Variants in ROBO2 observed in about 807,000 individuals in gnomAD.
ROBO2 encodes roundabout guidance receptor 2.
In ROBO2, 53 loss-of-function variants were observed where a neutral mutation model predicts 160.8. The observed-to-expected ratio is 0.33, with a 90% CI of 0.26 to 0.41. The LOEUF is 0.41. Among genes scored for constraint, ROBO2 ranks in the 10% least tolerant of loss-of-function variants. The probability of loss-of-function intolerance (pLI) is 1.00; values close to 1 mark genes in which losing one functional copy is unlikely to be tolerated. For synonymous variants in ROBO2, 664 were observed against 611.7 expected, an observed-to-expected ratio of 1.09 and a Z score of -1.26; for missense variants, 1,577 against 1,722.4, an observed-to-expected ratio of 0.92 and a Z score of 1.49.
chr3:77,366,766 A>T (rs1182498954), intron 2 of ROBO2, among the ~76,000 whole-genome samples: 2 of 152,036 alleles, frequency 1.3e-5, no homozygotes, highest in African/African-American at 4.8e-5. Flanking sequence ...AGGAAGTGAG[A>T]GTGAGAGAGA....
At chr3:77,360,759 A>G (rs2069850242) in intron 2 of ROBO2, among the ~76,000 whole-genome samples, 1 of 152,116 alleles carries the variant, frequency 6.6e-6, no homozygotes, top group African/African-American at 2.4e-5. Context: ...TTTTTAAGCA[A>G]ATTGCTGTGT....
At chr3:77,244,422 G>A (rs567019482) in intron 2 of ROBO2, among the ~76,000 whole-genome samples, 51 of 152,270 alleles carry the variant, frequency 3.3e-4, no homozygotes, top group African/African-American at 8.7e-4. Flanking sequence ...ATAGGAAAAC[G>A]TTTAGCATGC....
chr3:76,847,654 G>T (rs2068898742), intron 2 of ROBO2, among the ~76,000 whole-genome samples: 1 of 152,012 alleles, frequency 6.6e-6, no homozygotes, highest in Non-Finnish European at 1.5e-5. Context: ...ACTGCACCTG[G>T]ATAATCTCAA....
At chr3:76,776,923 G>A (rs1434816310) in intron 2 of ROBO2, among the ~76,000 whole-genome samples, 1 of 150,874 alleles carries the variant, frequency 6.6e-6, no homozygotes, top group Non-Finnish European at 1.5e-5. Context: ...TAAATATCTT[G>A]TTGATATATT....
intron 2 of ROBO2, among the ~76,000 whole-genome samples, chr3:76,379,638 C>G (rs1302383905): frequency 6.6e-6 from 1 of 152,086 alleles, no homozygotes; most frequent in African/African-American, 2.4e-5. Flanking sequence ...ATTCTGTACT[C>G]TTATTTCAAG....
rs149631720 is a variant in ROBO2, at chr3:76,244,679, G to A, written c.109+307077G>A. ...CATTAGAAGAAGTATTGGACTGGAC[G>A]TCAGGAGCCTGGAAATCTAGACCTC... On this transcript the variant is annotated intron_variant, in intron 2 of 26. Transcript: ENST00000487694. Among the ~76,000 whole-genome samples, 858 of 152,226 alleles carry A rather than the reference G, an allele frequency of 5.6e-3. 6 individuals carry two copies. Among genetic ancestry groups the A allele is most frequent in the African/African-American group, 0.019 (807 of 41,544 alleles).
At chr3:76,133,403 A>C (rs1442364932) in intron 2 of ROBO2, among the ~76,000 whole-genome samples, 1 of 152,028 alleles carries the variant, frequency 6.6e-6, no homozygotes. Context: ...TAGTCTCTAG[A>C]GACTAATACA....
At chr3:77,129,112 C>CT (rs895504715) in intron 2 of ROBO2, among the ~76,000 whole-genome samples, 1 of 151,680 alleles carries the variant, frequency 6.6e-6, no homozygotes, top group Non-Finnish European at 1.5e-5. Flanking sequence ...TTACAACTGT[C>CT]TTTTTTTCTA....
chr3:77,579,443 G>A (rs2093855729), intron 15 of ROBO2, among the ~76,000 whole-genome samples: 1 of 152,078 alleles, frequency 6.6e-6, no homozygotes, highest in African/African-American at 2.4e-5. Context: ...TTCTGTGTAA[G>A]TTAATATTTT....
chr3:77,180,416 C>CTCTCTCTCTCTCTCTCTCTCTATATA (rs1433740534), intron 2 of ROBO2, among the ~76,000 whole-genome samples: 8 of 90,704 alleles, frequency 8.8e-5, no homozygotes, highest in Non-Finnish European at 1.4e-4. Context: ...CTCTCTCTCT[C>CTCTCTCTCTCTCTCTCTCTCTATATA]TATATATATA....
At chr3:76,771,556 AAAG>A (rs2061907701) in intron 2 of ROBO2, among the ~76,000 whole-genome samples, 1 of 151,204 alleles carries the variant, frequency 6.6e-6, no homozygotes, top group South Asian at 2.1e-4. Context: ...AAAAACCTGA[AAAG>A]AATGTCCTTT....
intron 2 of ROBO2, chr3:76,434,694 G>C: frequency 9.1e-7 from 1 of 1,104,872 alleles, no homozygotes; most frequent in East Asian, 2.4e-5. Context: ...CCTCCTCCCC[G>C]TTCACCAGGC....
intron 2 of ROBO2, among the ~76,000 whole-genome samples, chr3:76,034,623 A>G (rs1381010609): frequency 2.0e-5 from 3 of 150,646 alleles, no homozygotes; most frequent in Non-Finnish European, 4.4e-5. Flanking sequence ...CAGTTAAATT[A>G]TACAATTCTA....
At chr3:76,086,087 T>C (rs963187959) in intron 2 of ROBO2, among the ~76,000 whole-genome samples, 1 of 152,150 alleles carries the variant, frequency 6.6e-6, no homozygotes, top group African/African-American at 2.4e-5. Flanking sequence ...CACGCAGCTA[T>C]AAGGACATAC....
chr3:76,717,451 A>G (rs2093398085), intron 2 of ROBO2, among the ~76,000 whole-genome samples: 1 of 150,206 alleles, frequency 6.7e-6, no homozygotes, highest in South Asian at 2.1e-4. Context: ...AGAATGCGCC[A>G]CTGCACTCCA....
At chr3:77,642,565 G>T (rs958210638) in intron 24 of ROBO2, 106 bp from the exon 26 acceptor site, 5 of 360,402 alleles carry the variant, frequency 1.4e-5, no homozygotes, top group South Asian at 4.2e-5. Flanking sequence ...AATTTTTTTT[G>T]TATGGGTAAT....
chr3:77,200,538 G>A (rs1043733806), intron 2 of ROBO2, among the ~76,000 whole-genome samples: 1 of 151,678 alleles, frequency 6.6e-6, no homozygotes, highest in Non-Finnish European at 1.5e-5. Flanking sequence ...ATTGTGTTAT[G>A]TGCAGGCTGA....
At chr3:76,469,335 C>T (rs1033573004) in intron 2 of ROBO2, among the ~76,000 whole-genome samples, 9 of 151,974 alleles carry the variant, frequency 5.9e-5, no homozygotes, top group East Asian at 5.8e-4. Context: ...GACCACTTGC[C>T]GTAATCCTAA....
At chr3:77,000,137 A>G (rs946833184) in intron 2 of ROBO2, among the ~76,000 whole-genome samples, 1 of 152,140 alleles carries the variant, frequency 6.6e-6, no homozygotes, top group African/African-American at 2.4e-5. Context: ...GATTTTGGCC[A>G]AAAATACTCC....
Sources: gnomAD v4.1 joint callset for allele counts (sites outside exome capture counted in the v4.1 genomes callset) on GRCh38, gnomAD v4.1.1 for gene constraint, MANE v1.5 for transcripts, NCBI Gene and HGNC (gene_info 2026-07-23, HGNC 2026-07-21) for gene names.